ZNF804A: variants seen among roughly 807,000 people sequenced by gnomAD.
ZNF804A encodes the protein zinc finger protein 804A.
Under a neutral mutation model 16.5 loss-of-function variants are expected in ZNF804A, and 2 were observed. The observed-to-expected ratio is 0.12, with a 90% CI of 0.05 to 0.38. The LOEUF (loss-of-function observed/expected upper bound fraction) is 0.38, where lower values mean the gene tolerates loss of function less well. Ranked by LOEUF, ZNF804A falls within the 10% of genes least tolerant of loss-of-function variation. ZNF804A has a pLI of 0.99. For missense variants in ZNF804A, 1,473 were observed against 1,390.7 expected, an observed-to-expected ratio of 1.06 and a Z score of -0.94; for synonymous variants, 534 against 489.6, an observed-to-expected ratio of 1.09 and a Z score of -1.20.
intron 1 of ZNF804A, among the ~76,000 whole-genome samples, chr2:184,665,233 A>T (rs1457901668): frequency 1.3e-5 from 2 of 152,204 alleles, no homozygotes; most frequent in Admixed American, 1.3e-4. Context: ...TCAGATGACA[A>T]TAAGGAACTA....
chr2:184,774,700 A>C (rs750733703), intron 1 of ZNF804A, among the ~76,000 whole-genome samples: 15 of 151,784 alleles, frequency 9.9e-5, no homozygotes, highest in Admixed American at 4.0e-4. Flanking sequence ...ATTTTATCAA[A>C]AATATTTGCT....
chr2:184,766,702 G>A (rs1376989883), intron 1 of ZNF804A, among the ~76,000 whole-genome samples: 1 of 151,228 alleles, frequency 6.6e-6, no homozygotes, highest in Non-Finnish European at 1.5e-5. Flanking sequence ...ATGATTGAAA[G>A]CGAAAGTGTC....
At chr2:184,726,641 G>C (rs918396571) in intron 1 of ZNF804A, among the ~76,000 whole-genome samples, 2 of 151,360 alleles carry the variant, frequency 1.3e-5, no homozygotes, top group Admixed American at 1.3e-4. Flanking sequence ...TAAAAAAACA[G>C]TCAAACTAGC....
At chr2:184,933,176 A>G (rs1685731171) in intron 2 of ZNF804A, among the ~76,000 whole-genome samples, 1 of 151,766 alleles carries the variant, frequency 6.6e-6, no homozygotes, top group Admixed American at 6.6e-5. Context: ...GACACAAAGG[A>G]CCAGATAACT....
intron 1 of ZNF804A, among the ~76,000 whole-genome samples, chr2:184,744,465 G>A (rs1693757643): frequency 6.6e-6 from 1 of 151,716 alleles, no homozygotes; most frequent in Non-Finnish European, 1.5e-5. Context: ...TATAAAAGAG[G>A]CCCTAGAGAG....
chr2:184,848,673 A>T (rs1250154312), intron 1 of ZNF804A, among the ~76,000 whole-genome samples: 2 of 152,054 alleles, frequency 1.3e-5, no homozygotes, highest in African/African-American at 4.8e-5. Context: ...ACTTTAAGAC[A>T]ATCAGGGTGG....
intron 1 of ZNF804A, among the ~76,000 whole-genome samples, chr2:184,642,980 C>A (rs749537231): frequency 1.6e-4 from 25 of 151,974 alleles, no homozygotes; most frequent in Non-Finnish European, 2.1e-4. Flanking sequence ...AAAACAATTA[C>A]AGTTCTCTTT....
chr2:184,621,045 C>T (rs1157317655), intron 1 of ZNF804A, among the ~76,000 whole-genome samples: 1 of 151,158 alleles, frequency 6.6e-6, no homozygotes, highest in Non-Finnish European at 1.5e-5. Context: ...AACAGACGAA[C>T]ATAAACAAAC....
At chr2:184,705,318 T>A (rs770570280) in intron 1 of ZNF804A, among the ~76,000 whole-genome samples, 1 of 152,174 alleles carries the variant, frequency 6.6e-6, no homozygotes, top group African/African-American at 2.4e-5. Context: ...GGAGTGACTA[T>A]GAAAAGGTAC....
chr2:184,908,511 C>A (rs1413713869), intron 2 of ZNF804A, among the ~76,000 whole-genome samples: 1 of 152,042 alleles, frequency 6.6e-6, no homozygotes, highest in Non-Finnish European at 1.5e-5. Context: ...TTTGCATGAT[C>A]TGGGGATTAG....
intron 1 of ZNF804A, among the ~76,000 whole-genome samples, chr2:184,636,193 C>T (rs938289985): frequency 1.5e-4 from 23 of 151,438 alleles, no homozygotes; most frequent in Admixed American, 3.9e-4. Flanking sequence ...AAAAATTATG[C>T]CTTTAATCAA....
At chr2:184,749,011 A>T (rs1442218938) in intron 1 of ZNF804A, among the ~76,000 whole-genome samples, 2 of 151,572 alleles carry the variant, frequency 1.3e-5, no homozygotes, top group Non-Finnish European at 3.0e-5. Context: ...GTTTGAAATC[A>T]GGTAGTGTGA....
intron 2 of ZNF804A, among the ~76,000 whole-genome samples, chr2:184,876,407 T>C (rs11892843): frequency 0.29 from 43,440 of 152,034 alleles, 7,536 homozygotes; most frequent in African/African-American, 0.48. Context: ...GTATGTCGTG[T>C]GTACTTCAAT....
At chr2:184,718,073 T>G (rs1000755456) in intron 1 of ZNF804A, among the ~76,000 whole-genome samples, 3 of 152,150 alleles carry the variant, frequency 2.0e-5, no homozygotes, top group Non-Finnish European at 2.9e-5. Flanking sequence ...AGAAAGAGGT[T>G]TATTGGACTT....
At chr2:184,679,096 G>C (rs1692489669) in intron 1 of ZNF804A, among the ~76,000 whole-genome samples, 1 of 152,188 alleles carries the variant, frequency 6.6e-6, no homozygotes, top group Admixed American at 6.5e-5. Context: ...AATTTGTACT[G>C]TTAATTGGCA....
intron 1 of ZNF804A, among the ~76,000 whole-genome samples, chr2:184,716,456 G>A (rs1238395247): frequency 1.3e-5 from 2 of 151,810 alleles, no homozygotes; most frequent in African/African-American, 2.4e-5. Flanking sequence ...ATTGCAATTG[G>A]CGAAAAGGCA....
At chr2:184,816,238 T>A (rs920877796) in intron 1 of ZNF804A, among the ~76,000 whole-genome samples, 2 of 152,032 alleles carry the variant, frequency 1.3e-5, no homozygotes, top group African/African-American at 4.8e-5. Flanking sequence ...GGCGCCTAAT[T>A]CCCCAAGTGA....
chr2:184,843,714 C>T (rs189606352), intron 1 of ZNF804A, among the ~76,000 whole-genome samples: 53 of 152,264 alleles, frequency 3.5e-4, no homozygotes, highest in East Asian at 7.7e-4. Flanking sequence ...TCTCTAGTAA[C>T]GGTAACACAG....
In ZNF804A at chr2:184,938,761, T is replaced by C. The variant is rs1685843721; in HGVS notation, c.3365T>C (p.Phe1122Ser). ...GCTGCAGCCGCAGCTGCAGGAACCTTTAAAGTGCTTCAGCCACACCAACAG... is the reference window on the plus strand; with the variant it reads ...GCTGCAGCCGCAGCTGCAGGAACCTCTAAAGTGCTTCAGCCACACCAACAG... The part of the protein sequence containing the change: ...AAAAAAAAGT[F>S]KVLQPHQQFL... The change falls in exon 4 of 4, where the codon TTT (phenylalanine) becomes TCT (serine). Residue 1122 changes from phenylalanine (F) to serine (S), a missense_variant. Transcript: ENST00000302277. 1 of 1,613,078 alleles carries C rather than the reference T, an allele frequency of 6.2e-7. No individual in the cohort carries two copies. Among genetic ancestry groups the C allele is most frequent in the South Asian group, 1.1e-5 (1 of 91,046 alleles).
Sources: allele counts gnomAD v4.1 joint callset (sites outside exome capture counted in the v4.1 genomes callset), GRCh38; gene constraint gnomAD v4.1.1; transcripts MANE v1.5; gene names NCBI Gene and HGNC (gene_info 2026-07-23, HGNC 2026-07-21).